GCC2: variants seen among roughly 807,000 people sequenced by gnomAD.
GCC2 encodes GRIP and coiled-coil domain-containing protein 2.
A neutral mutation model predicts 210.6 loss-of-function variants in GCC2; 120 were observed. The observed-to-expected ratio is 0.57, with a 90% CI of 0.49 to 0.66. The LOEUF (loss-of-function observed/expected upper bound fraction) is 0.66. Among genes scored for constraint, GCC2 ranks in the 30% least tolerant of loss-of-function variants. The probability of loss-of-function intolerance (pLI) is 0.00; values close to 1 mark genes in which losing one functional copy is unlikely to be tolerated. For missense variants in GCC2, 1,868 were observed against 1,871.9 expected, an observed-to-expected ratio of 1.00 and a Z score of 0.04; for synonymous variants, 703 against 652.7, an observed-to-expected ratio of 1.08 and a Z score of -1.17.
chr2:108,497,926 C>G (rs1177484084), intron 21 of GCC2, among the ~76,000 whole-genome samples: 1 of 152,146 alleles, frequency 6.6e-6, no homozygotes. Context: ...AAAGTACATG[C>G]TTTTCCCCTG....
intron 4 of GCC2, 54 bp downstream of exon 4, chr2:108,452,520 G>A (rs1679998451): frequency 1.9e-6 from 2 of 1,050,288 alleles, no homozygotes; most frequent in African/African-American, 3.2e-5. Flanking sequence ...CCTGAGGATT[G>A]TCAGTCTGCT....
intron 18 of GCC2, among the ~76,000 whole-genome samples, chr2:108,491,712 G>A (rs1682409827): frequency 6.6e-6 from 1 of 151,744 alleles, no homozygotes; most frequent in Admixed American, 6.6e-5. Flanking sequence ...GACGGCTTTT[G>A]TATTTTTTAA....
chr2:108,504,819 C>T (rs1199864921), intron 22 of GCC2, among the ~76,000 whole-genome samples: 1 of 152,082 alleles, frequency 6.6e-6, no homozygotes, highest in Non-Finnish European at 1.5e-5. Context: ...AATATTGTCA[C>T]TTGTACACCA....
Position 108,507,541 on chromosome 2 carries a change from T to TG in GCC2, c.4985-19_4985-18insG, listed in dbSNP as rs567535770. The TG allele has an allele frequency of 8.0e-3, 12,215 of 1,529,208 alleles. 73 individuals are homozygous for TG. The highest frequency in any genetic ancestry group is 8.8e-3 in the Non-Finnish European group (9,910 of 1,121,820). The allele number at this position is 1,529,208 out of a possible 1,614,324, so 94.7% of individuals were successfully genotyped here. On this transcript the variant is annotated intron_variant, in intron 22 of 22. Coordinates refer to ENST00000309863, the MANE Select transcript of GCC2 (RefSeq NM_181453.4). ...TTTTTCTTTTATTTTTCTTTTTTTT[T>TG]TTGTTTTACTTTCCAAAGGTGAGGA...
rs1429053594 is a variant in GCC2, at chr2:108,508,756, T to C, written c.*1126T>C. 1 of 152,622 alleles carries C rather than the reference T, an allele frequency of 6.6e-6. No individual in the cohort carries two copies. The highest frequency in any genetic ancestry group is 1.5e-5 in the Non-Finnish European group (1 of 68,042). The allele number at this position is 152,622 out of a possible 1,614,324, so 9.5% of individuals were successfully genotyped here. Reference sequence around the variant, plus strand: ...CCTTAGGTGGTAGTGTTACTTGCCTTTGACACCTCTGCATATGTTTTAATG... The same window carrying C: ...CCTTAGGTGGTAGTGTTACTTGCCTCTGACACCTCTGCATATGTTTTAATG... On this transcript the variant is annotated 3_prime_UTR_variant, in exon 23 of 23. Coordinates refer to ENST00000309863, the MANE Select transcript of GCC2 (RefSeq NM_181453.4).
chr2:108,482,350 G>A lies in GCC2; in HGVS notation c.3244G>A (p.Ala1082Thr). ...TCGTATTGAGACATTACAGTCTAAT[G>A]CCAAATTATTAGAAGTACAGATTTT... ...LARIETLQSN[A>T]KLLEVQILEV... The change falls in exon 11 of 23, where the codon GCC becomes ACC. Residue 1082 changes from alanine to threonine, a missense_variant. Ala to Thr is a moderately conservative substitution (Grantham distance 58, BLOSUM62 0). Transcript: ENST00000309863. 6.3e-7 allele frequency: 1 copy of A among 1,579,316 alleles called. No individual in the cohort carries two copies. The highest frequency in any genetic ancestry group is 1.7e-5 in the Admixed American group (1 of 59,848).
Position 108,470,994 on chromosome 2 carries a change from A to G in GCC2, c.1665A>G (p.Pro555=). 1 of 1,613,310 alleles carries G rather than the reference A, an allele frequency of 6.2e-7. No individual in the cohort carries two copies. The highest frequency in any genetic ancestry group is 8.5e-7 in the Non-Finnish European group (1 of 1,179,536). The part of the protein sequence containing the change: ...EKLLSQQELV[P]ELENTIKNLQ... ...TACTATCTCAACAAGAATTGGTACC[A>G]GAACTTGAAAATACCATAAAGAACC... The change falls in exon 6 of 23, where the codon CCA becomes CCG. Residue 555 remains proline (P), a synonymous_variant. Transcript: ENST00000309863.
intron 7 of GCC2, chr2:108,473,416 G>T (rs1368449494): frequency 6.6e-6 from 1 of 152,502 alleles, no homozygotes; most frequent in Non-Finnish European, 1.5e-5. Flanking sequence ...AGGAAGAGCA[G>T]GTGCTTGTAG....
intron 16 of GCC2, 73 bp from the exon 17 acceptor site, chr2:108,487,626 T>C (rs757013178): frequency 1.5e-5 from 21 of 1,379,760 alleles, no homozygotes; most frequent in Non-Finnish European, 7.9e-6. Context: ...TTATCTCAAT[T>C]TGTTAATCTC....
intron 12 of GCC2, 89 bp from the exon 13 acceptor site, chr2:108,484,060 A>T (rs1475297860): frequency 4.2e-6 from 3 of 712,702 alleles, no homozygotes; most frequent in Non-Finnish European, 6.8e-6. Flanking sequence ...TTGCTGTGGC[A>T]TCATTTTAGC....
At chr2:108,457,057 A>C (rs535746779) in intron 4 of GCC2, among the ~76,000 whole-genome samples, 36 of 151,972 alleles carry the variant, frequency 2.4e-4, no homozygotes, top group African/African-American at 8.2e-4. Flanking sequence ...CTTTGCCTAG[A>C]CCAATGTCTT....
chr2:108,504,259 G>C (rs1488150611), intron 22 of GCC2, among the ~76,000 whole-genome samples: 1 of 152,024 alleles, frequency 6.6e-6, no homozygotes, highest in Non-Finnish European at 1.5e-5. Flanking sequence ...ATCAGCTCTA[G>C]ATATAAAATG....
rs189629412 is a variant in GCC2, at chr2:108,507,336, T to C, written c.4985-224T>C. Among the ~76,000 whole-genome samples the C allele has an allele frequency of 1.3e-3, 194 of 151,014 alleles. 3 individuals carry two copies. Among genetic ancestry groups the C allele is most frequent in the African/African-American group, 4.1e-3 (167 of 41,050 alleles). On this transcript the variant is annotated intron_variant, in intron 22 of 22. Coordinates refer to ENST00000309863, the MANE Select transcript of GCC2 (RefSeq NM_181453.4). ...TTGAGCCTGGGAGATCAAGGCTGCA[T>C]TGAAGTCTCATCACGCCACTGCACT...
chr2:108,485,993 T>A, intron 15 of GCC2, 85 bp downstream of exon 15: 4 of 625,370 alleles, frequency 6.4e-6, no homozygotes, highest in Non-Finnish European at 1.1e-5. Context: ...GATTATCCTA[T>A]AACGATATCT....
intron 16 of GCC2, among the ~76,000 whole-genome samples, chr2:108,487,044 T>G (rs1466476616): frequency 1.3e-5 from 2 of 152,202 alleles, no homozygotes; most frequent in Non-Finnish European, 1.5e-5. Context: ...GTGGTTGTGT[T>G]AGATGCAGGT....
intron 2 of GCC2, chr2:108,450,054 T>C (rs1000687721): frequency 4.9e-6 from 1 of 202,194 alleles, no homozygotes; most frequent in African/African-American, 2.3e-5. Context: ...AAGAGTTTAA[T>C]TAGTCCAGTT....
At chr2:108,473,104 C>T in intron 7 of GCC2, 1 of 440,930 alleles carries the variant, frequency 2.3e-6, no homozygotes, top group Non-Finnish European at 4.0e-6. Context: ...TTAACCCAAG[C>T]AAGATTGGTG....
chr2:108,465,405 A>T (rs1174545067), intron 4 of GCC2, among the ~76,000 whole-genome samples: 1 of 152,070 alleles, frequency 6.6e-6, no homozygotes, highest in Non-Finnish European at 1.5e-5. Flanking sequence ...TGTTACATGG[A>T]TGAATTATAT....
intron 13 of GCC2, among the ~76,000 whole-genome samples, chr2:108,485,064 C>G (rs1295761779): frequency 6.6e-6 from 1 of 151,700 alleles, no homozygotes; most frequent in Non-Finnish European, 1.5e-5. Context: ...AGTAAACTAT[C>G]TCAAGAACAA....
Sources: gnomAD v4.1 joint callset for allele counts (sites outside exome capture counted in the v4.1 genomes callset) on GRCh38, gnomAD v4.1.1 for gene constraint, MANE v1.5 for transcripts, NCBI Gene and HGNC (gene_info 2026-07-23, HGNC 2026-07-21) for gene names.